The following PCDH15 variants were observed in gnomAD, a reference collection of about 807,000 sequenced individuals.
PCDH15 encodes the protein protocadherin-15.
PCDH15 carries 129 observed loss-of-function variants against 178.5 expected under a neutral mutation model. The ratio of observed to expected loss-of-function variants is 0.72; its 90% confidence interval spans 0.63 to 0.84. PCDH15 has a LOEUF of 0.84. Among genes scored for constraint, PCDH15 ranks in the 40% least tolerant of loss-of-function variants. The pLI, the probability that PCDH15 is intolerant of heterozygous loss-of-function variation, is 0.00. For synonymous variants in PCDH15, 800 were observed against 732.0 expected, an observed-to-expected ratio of 1.09 and a Z score of -1.50; for missense variants, 2,230 against 2,099.9, an observed-to-expected ratio of 1.06 and a Z score of -1.21.
intron 2 of PCDH15, among the ~76,000 whole-genome samples, chr10:55,426,909 A>G (rs1034591571): frequency 2.0e-5 from 3 of 152,126 alleles, no homozygotes; most frequent in African/African-American, 7.2e-5. Context: ...ATCCAACCAC[A>G]GTCTCCTACA....
At position 55,202,645 on chromosome 10, in the gene PCDH15, T is replaced by C. The variant is rs150291471; in HGVS notation, c.-155-35994A>G. Among the ~76,000 whole-genome samples, 339 of 152,260 alleles carry C rather than the reference T, an allele frequency of 2.2e-3. 3 individuals are homozygous for C. The highest frequency in any genetic ancestry group is 7.7e-3 in the African/African-American group (320 of 41,520). Reference sequence around the variant, plus strand: ...CATTTCTTGTCCATGTCACTCTACTTGATGTGGTTTGGCTCTGTGTCCCCA... The same window carrying C: ...CATTTCTTGTCCATGTCACTCTACTCGATGTGGTTTGGCTCTGTGTCCCCA... On this transcript the variant is annotated intron_variant, in intron 1 of 5. Transcript: ENST00000458638.
In PCDH15 at chr10:54,789,341, T is replaced by C. The variant is rs1951180682; in HGVS notation, c.-29+11584A>G. On this transcript the variant is annotated intron_variant, in intron 1 of 37. Coordinates refer to ENST00000644397, the MANE Select transcript of PCDH15 (RefSeq NM_001384140.1). ...GCAGGAGAGAGAATTTCCTGATGAG[T>C]TGTCTAACAGCTTATTCTTTCCTCC... Among the ~76,000 whole-genome samples the C allele has an allele frequency of 4.6e-5, 7 of 151,924 alleles. No homozygotes were observed. The South Asian group carries it at 1.5e-3, about 31-fold the overall frequency.
intron 2 of PCDH15, among the ~76,000 whole-genome samples, chr10:55,144,635 T>C (rs1838451928): frequency 6.6e-6 from 1 of 152,062 alleles, no homozygotes. Flanking sequence ...ATACTGACCA[T>C]AAGACCAACT....
chr10:54,969,056 C>T (rs1443313410), intron 2 of PCDH15, among the ~76,000 whole-genome samples: 1 of 150,674 alleles, frequency 6.6e-6, no homozygotes, highest in East Asian at 2.0e-4. Context: ...TCTATCATAT[C>T]TGTAACTCTG....
At chr10:54,222,959 C>T (rs1159410820) in intron 9 of PCDH15, among the ~76,000 whole-genome samples, 1 of 152,134 alleles carries the variant, frequency 6.6e-6, no homozygotes, top group Non-Finnish European at 1.5e-5. Flanking sequence ...TGCGTTTTTA[C>T]TTTGATGAAG....
intron 3 of PCDH15, among the ~76,000 whole-genome samples, chr10:54,383,055 C>T (rs748304812): frequency 1.3e-5 from 2 of 152,006 alleles, no homozygotes; most frequent in Non-Finnish European, 2.9e-5. Context: ...CACGCAACTA[C>T]CCAATGAATA....
chr10:54,922,656 C>G (rs1837524372), intron 2 of PCDH15, among the ~76,000 whole-genome samples: 1 of 152,068 alleles, frequency 6.6e-6, no homozygotes, highest in Admixed American at 6.5e-5. Flanking sequence ...CTACCCAAAT[C>G]TCATGTTGAA....
intron 2 of PCDH15, among the ~76,000 whole-genome samples, chr10:55,024,462 CAT>C (rs926367616): frequency 4.7e-4 from 47 of 100,438 alleles, no homozygotes; most frequent in African/African-American, 1.9e-3. Flanking sequence ...TATACACACA[CAT>C]ATATATATAC....
intron 2 of PCDH15, among the ~76,000 whole-genome samples, chr10:55,526,803 A>G (rs530718809): frequency 2.8e-4 from 42 of 152,192 alleles, no homozygotes; most frequent in Middle Eastern, 3.4e-3. Flanking sequence ...ATTCAAAGGA[A>G]TGGACTTTCA....
chr10:53,990,206 G>A (rs1195964867), intron 21 of PCDH15, among the ~76,000 whole-genome samples: 1 of 152,054 alleles, frequency 6.6e-6, no homozygotes, highest in Non-Finnish European at 1.5e-5. Context: ...ACAGATGGGT[G>A]TTGAAACCCC....
intron 25 of PCDH15, among the ~76,000 whole-genome samples, chr10:53,903,981 A>G (rs764755910): frequency 6.6e-6 from 1 of 152,152 alleles, no homozygotes; most frequent in Non-Finnish European, 1.5e-5. Flanking sequence ...AGATATGATT[A>G]TGACTCATAA....
At chr10:55,501,341 C>T (rs999822369) in intron 2 of PCDH15, among the ~76,000 whole-genome samples, 3 of 151,428 alleles carry the variant, frequency 2.0e-5, no homozygotes, top group African/African-American at 7.3e-5. Flanking sequence ...TTTAAGCCAC[C>T]GAATTTATAT....
At chr10:54,119,448 A>G (rs1383821618) in intron 15 of PCDH15, among the ~76,000 whole-genome samples, 1 of 152,132 alleles carries the variant, frequency 6.6e-6, no homozygotes, top group Non-Finnish European at 1.5e-5. Context: ...AAAATAAAGA[A>G]AAAAGAATTT....
chr10:54,346,192 T>C (rs558596979), intron 6 of PCDH15, among the ~76,000 whole-genome samples, 173 bp downstream of exon 6: 64 of 152,326 alleles, frequency 4.2e-4, no homozygotes, highest in African/African-American at 1.5e-3. Flanking sequence ...AATTAGCTTC[T>C]AGCAATAAAG....
chr10:54,395,563 C>CA (rs892833065), intron 3 of PCDH15, among the ~76,000 whole-genome samples: 5 of 151,648 alleles, frequency 3.3e-5, no homozygotes, highest in African/African-American at 1.2e-4. Context: ...TTATAATACG[C>CA]AAAAAATGGA....
intron 2 of PCDH15, among the ~76,000 whole-genome samples, chr10:54,937,669 C>T (rs1221794281): frequency 2.0e-5 from 3 of 151,888 alleles, no homozygotes; most frequent in Admixed American, 1.3e-4. Context: ...CGATCTTAGA[C>T]TCTGCAACCT....
intron 1 of PCDH15, among the ~76,000 whole-genome samples, chr10:54,669,657 C>T (rs1208327516): frequency 6.8e-6 from 1 of 147,510 alleles, no homozygotes; most frequent in Non-Finnish European, 1.5e-5. Flanking sequence ...ACCTCTCCCA[C>T]CCGGTCCTGC....
intron 1 of PCDH15, among the ~76,000 whole-genome samples, chr10:54,722,382 A>T (rs1049485812): frequency 1.3e-5 from 2 of 151,700 alleles, no homozygotes; most frequent in Non-Finnish European, 3.0e-5. Context: ...ACCATTTATC[A>T]TTATTCTTCT....
At chr10:55,371,483 G>A (rs1409125414) in intron 2 of PCDH15, among the ~76,000 whole-genome samples, 1 of 152,114 alleles carries the variant, frequency 6.6e-6, no homozygotes, top group African/African-American at 2.4e-5. Flanking sequence ...CACTGTTGAA[G>A]GAGGGAACTG....
Sources: gnomAD v4.1 joint callset for allele counts (sites outside exome capture counted in the v4.1 genomes callset) on GRCh38, gnomAD v4.1.1 for gene constraint, MANE v1.5 for transcripts, NCBI Gene and HGNC (gene_info 2026-07-23, HGNC 2026-07-21) for gene names.